Variants in CPEB3 observed in about 807,000 individuals in gnomAD.
CPEB3 encodes the protein cytoplasmic polyadenylation element-binding protein 3.
In CPEB3, 20 loss-of-function variants were observed where a neutral mutation model predicts 67.2. That is an observed-to-expected ratio of 0.30 (90% CI 0.21 to 0.43). The LOEUF is 0.43. Ranked by LOEUF, CPEB3 falls within the 20% of genes least tolerant of loss-of-function variation. CPEB3 has a pLI of 1.00. For synonymous variants in CPEB3, 376 were observed against 393.1 expected, an observed-to-expected ratio of 0.96 and a Z score of 0.51; for missense variants, 746 against 968.6, an observed-to-expected ratio of 0.77 and a Z score of 3.05.
intron 9 of CPEB3, among the ~76,000 whole-genome samples, chr10:92,064,236 A>T (rs972385286): frequency 6.6e-6 from 1 of 152,196 alleles, no homozygotes; most frequent in African/African-American, 2.4e-5. Context: ...GAAAGAGATA[A>T]TGACATGAGC....
At chr10:92,106,800 G>A (rs1228318025) in intron 7 of CPEB3, among the ~76,000 whole-genome samples, 3 of 60,510 alleles carry the variant, frequency 5.0e-5, no homozygotes, top group African/African-American at 7.1e-5. Context: ...AGGCAAAAGA[G>A]CAAGACTCTG....
chr10:92,094,444 T>C (rs185084942), intron 7 of CPEB3, among the ~76,000 whole-genome samples: 5 of 151,832 alleles, frequency 3.3e-5, no homozygotes, highest in Non-Finnish European at 7.4e-5. Context: ...CTACTAAAGA[T>C]ACGAAAAATT....
At chr10:92,115,261 C>G (rs1262923708) in intron 6 of CPEB3, among the ~76,000 whole-genome samples, 1 of 152,224 alleles carries the variant, frequency 6.6e-6, no homozygotes, top group African/African-American at 2.4e-5. Context: ...TCAAGTGATT[C>G]TCCTGCCTCA....
At chr10:92,186,026 T>C (rs781349450) in intron 3 of CPEB3, among the ~76,000 whole-genome samples, 1 of 151,998 alleles carries the variant, frequency 6.6e-6, no homozygotes, top group Non-Finnish European at 1.5e-5. Flanking sequence ...GTTAAATATT[T>C]TGTGCCTCTG....
At chr10:92,245,796 G>A (rs1852034053) in intron 1 of CPEB3, among the ~76,000 whole-genome samples, 1 of 152,078 alleles carries the variant, frequency 6.6e-6, no homozygotes, top group Admixed American at 6.5e-5. Flanking sequence ...CAGCATTTTG[G>A]GAGGCCGAGG....
Position 92,075,494 on chromosome 10 carries a change from C to T in CPEB3, c.1869+5826G>A, listed in dbSNP as rs936507842. Among the ~76,000 whole-genome samples, 9 of 151,970 alleles carry T rather than the reference C, an allele frequency of 5.9e-5. No individual in the cohort carries two copies. In the South Asian group the frequency reaches 8.3e-4, roughly 14 times the overall value. Reference sequence around the variant, plus strand: ...ATGGCTACACAGTTATGTAAATATACGAAAAAACATGTAATTGTACACTTT... The same window carrying T: ...ATGGCTACACAGTTATGTAAATATATGAAAAAACATGTAATTGTACACTTT... On this transcript the variant is annotated intron_variant, in intron 9 of 9. Transcript: ENST00000265997.
intron 6 of CPEB3, among the ~76,000 whole-genome samples, chr10:92,139,202 C>T (rs1846264077): frequency 6.6e-6 from 1 of 151,038 alleles, no homozygotes; most frequent in Non-Finnish European, 1.5e-5. Context: ...TCTTGAATCC[C>T]AGAGGTGGAG....
Position 92,216,236 on chromosome 10 carries a change from G to C in CPEB3, c.1005+23110C>G, listed in dbSNP as rs529043796. 4 of 1,132,040 alleles carry C rather than the reference G, an allele frequency of 3.5e-6. No individual in the cohort carries two copies. In the East Asian group the frequency reaches 7.7e-5, roughly 22 times the overall value. The allele number at this position is 1,132,040 out of a possible 1,614,324, so 70.1% of individuals were successfully genotyped here. On this transcript the variant is annotated intron_variant, in intron 2 of 9. Coordinates refer to ENST00000265997, the MANE Select transcript of CPEB3 (RefSeq NM_014912.5). ...ACGGATCACAAGGTCAAGAGATCAA[G>C]ATCATACTGGCCAACATGGTGAAAC... is the stretch of plus-strand genomic sequence containing the variant.
chr10:92,100,853 A>G (rs1292511614), intron 7 of CPEB3, among the ~76,000 whole-genome samples: 1 of 152,172 alleles, frequency 6.6e-6, no homozygotes, highest in Non-Finnish European at 1.5e-5. Context: ...GGCTTCCCAA[A>G]GTGCTGGGAT....
chr10:92,144,633 A>T (rs1483630585), intron 5 of CPEB3, among the ~76,000 whole-genome samples: 1 of 152,184 alleles, frequency 6.6e-6, no homozygotes, highest in African/African-American at 2.4e-5. Context: ...AATCTAATTG[A>T]ATTTGAGTTG....
At chr10:92,097,767 C>T (rs1435559278) in intron 7 of CPEB3, among the ~76,000 whole-genome samples, 1 of 152,146 alleles carries the variant, frequency 6.6e-6, no homozygotes, top group Non-Finnish European at 1.5e-5. Context: ...GTTGGTCTGC[C>T]AGATAAGCAG....
At chr10:92,084,295 T>C (rs1328723732) in intron 8 of CPEB3, among the ~76,000 whole-genome samples, 1 of 152,162 alleles carries the variant, frequency 6.6e-6, no homozygotes, top group Non-Finnish European at 1.5e-5. Flanking sequence ...CTGATGTTGC[T>C]GGCAGTTAAG....
intron 1 of CPEB3, among the ~76,000 whole-genome samples, chr10:92,261,413 G>T (rs1161646022): frequency 6.6e-6 from 1 of 152,032 alleles, no homozygotes; most frequent in Admixed American, 6.6e-5. Context: ...AGCTGCATCT[G>T]TCCAAAGGAA....
chr10:92,250,954 C>T (rs139429975), intron 1 of CPEB3, among the ~76,000 whole-genome samples: 1,721 of 142,294 alleles, frequency 0.012, 16 homozygotes, highest in Middle Eastern at 0.032. Context: ...TGGTCTTGAA[C>T]TCCTGAGCTC....
chr10:92,167,503 G>A (rs1847799832), intron 4 of CPEB3, among the ~76,000 whole-genome samples: 1 of 152,184 alleles, frequency 6.6e-6, no homozygotes, highest in Non-Finnish European at 1.5e-5. Context: ...CCCAAGGAGA[G>A]GGAGAGAAAC....
chr10:92,165,595 A>C (rs1422429371), intron 4 of CPEB3, among the ~76,000 whole-genome samples: 1 of 152,116 alleles, frequency 6.6e-6, no homozygotes, highest in Non-Finnish European at 1.5e-5. Context: ...AATGTTTAAG[A>C]GCATTTTACC....
rs1206189059 is a variant in CPEB3, at chr10:92,239,886, G to A, written c.465C>T (p.Ile155=). 1.2e-6 allele frequency: 2 copies of A among 1,610,506 alleles called. No homozygotes were observed. Among genetic ancestry groups the A allele is most frequent in the South Asian group, 1.1e-5 (1 of 90,676 alleles). The change falls in exon 2 of 10, where the codon ATC becomes ATT. Residue 155 remains isoleucine (I), a synonymous_variant. Coordinates refer to ENST00000265997, the MANE Select transcript of CPEB3 (RefSeq NM_014912.5). This position sits in a 1 kb window ranked among gnomAD's most constrained non-coding sequence, Gnocchi z 6.0. ...GGTGGTGCTGGGTCTGCGCCAGGCCGATCTGCGGGGAGAAAGTGCCTCCGA... is the reference window on the plus strand; with the variant it reads ...GGTGGTGCTGGGTCTGCGCCAGGCCAATCTGCGGGGAGAAAGTGCCTCCGA... ...PVFGGTFSPQ[I]GLAQTQHHQQ...
chr10:92,139,690 G>A (rs897589176), intron 6 of CPEB3, among the ~76,000 whole-genome samples: 10 of 152,056 alleles, frequency 6.6e-5, no homozygotes, highest in African/African-American at 2.4e-4. Flanking sequence ...AAGTATAATT[G>A]GAATGTTTAT....
chr10:92,247,099 A>T (rs577927231), intron 1 of CPEB3, among the ~76,000 whole-genome samples: 1 of 152,366 alleles, frequency 6.6e-6, no homozygotes, highest in South Asian at 2.1e-4. Flanking sequence ...CATAAGCACC[A>T]AGGTATAAAT....
Sources: gnomAD v4.1 joint callset for allele counts (sites outside exome capture counted in the v4.1 genomes callset) on GRCh38, gnomAD v4.1.1 for gene constraint, Gnocchi (gnomAD v3.1) non-coding constraint, MANE v1.5 for transcripts, NCBI Gene and HGNC (gene_info 2026-07-23, HGNC 2026-07-21) for gene names.